The following TMEM132C variants were observed in gnomAD, a reference collection of about 807,000 sequenced individuals.
TMEM132C encodes protein phosphatase 1, regulatory subunit 152.
In TMEM132C, 29 loss-of-function variants were observed where a neutral mutation model predicts 61.4. That is an observed-to-expected ratio of 0.47 (90% CI 0.35 to 0.64). The LOEUF is 0.64. TMEM132C is among the 30% of genes least tolerant of loss of function. The pLI is 0.00. For synonymous variants in TMEM132C, 656 were observed against 633.1 expected (o/e 1.04, Z -0.54); for missense variants, 1,408 against 1,476.9 (o/e 0.95, Z 0.76).
At chr12:128,574,841 C>T (rs1875031227) in intron 3 of TMEM132C, among the ~76,000 whole-genome samples, 1 of 152,188 alleles carries the variant, frequency 6.6e-6, no homozygotes, top group African/African-American at 2.4e-5. Context: ...CTCCAGTTGT[C>T]CTTGCCACTC....
At chr12:128,306,063 C>A (rs1282350539) in intron 1 of TMEM132C, among the ~76,000 whole-genome samples, 1 of 152,092 alleles carries the variant, frequency 6.6e-6, no homozygotes, top group Admixed American at 6.5e-5. Flanking sequence ...GAGTTTGACA[C>A]CAATGACACT....
At position 128,686,095 on chromosome 12, in the gene TMEM132C, C is replaced by T. The variant is rs147893813; in HGVS notation, c.1450-7734C>T. Among the ~76,000 whole-genome samples, 313 of 146,004 alleles carry T rather than the reference C, an allele frequency of 2.1e-3. 3 individuals carry two copies. The South Asian group carries it at 0.04, about 18-fold the overall frequency. On this transcript the variant is annotated intron_variant, in intron 5 of 8. Transcript: ENST00000435159. Reference sequence around the variant, plus strand: ...CGTGTGTGCGCATGTGTGTTGTGTGCGCATGTGTGTGCATGTGTGTGTGCA... The same window carrying T: ...CGTGTGTGCGCATGTGTGTTGTGTGTGCATGTGTGTGCATGTGTGTGTGCA...
At chr12:128,395,469 A>T (rs1683714) in intron 1 of TMEM132C, among the ~76,000 whole-genome samples, 57,192 of 152,058 alleles carry the variant, frequency 0.38, 12,049 homozygotes, top group African/African-American at 0.57. Flanking sequence ...ATGATGGGGT[A>T]ACGTGCTGAT....
chr12:128,530,574 G>A (rs1873256519), intron 2 of TMEM132C, among the ~76,000 whole-genome samples: 1 of 152,056 alleles, frequency 6.6e-6, no homozygotes, highest in Non-Finnish European at 1.5e-5. Flanking sequence ...CTCCCGAGTA[G>A]CTGGGATTAC....
chr12:128,523,503 A>G (rs1475558471), intron 2 of TMEM132C, among the ~76,000 whole-genome samples: 4 of 152,152 alleles, frequency 2.6e-5, no homozygotes, highest in East Asian at 1.9e-4. Flanking sequence ...ACAGAACTAG[A>G]TTCAAGCAGA....
intron 3 of TMEM132C, among the ~76,000 whole-genome samples, chr12:128,544,698 A>G (rs890815849): frequency 4.6e-5 from 7 of 152,228 alleles, no homozygotes; most frequent in Non-Finnish European, 8.8e-5. Context: ...CACTGATAGC[A>G]TGTTGGTTCA....
intron 2 of TMEM132C, among the ~76,000 whole-genome samples, chr12:128,462,309 G>A (rs565202225): frequency 7.9e-5 from 12 of 152,166 alleles, no homozygotes; most frequent in Non-Finnish European, 1.5e-4. Context: ...ATTTCTCCAC[G>A]TTGGTCAAGC....
At chr12:128,548,175 G>A (rs1195561836) in intron 3 of TMEM132C, among the ~76,000 whole-genome samples, 1 of 152,176 alleles carries the variant, frequency 6.6e-6, no homozygotes, top group Non-Finnish European at 1.5e-5. Context: ...GACCATGAAT[G>A]GGCACCAAGG....
chr12:128,412,103 T>C (rs764195773), intron 1 of TMEM132C, among the ~76,000 whole-genome samples: 1 of 152,244 alleles, frequency 6.6e-6, no homozygotes, highest in Non-Finnish European at 1.5e-5. Flanking sequence ...TGTCCAAAAT[T>C]ACTTGGATTA....
At chr12:128,540,993 C>CTCTCTG (rs1555230902) in intron 2 of TMEM132C, among the ~76,000 whole-genome samples, 8,097 of 150,684 alleles carry the variant, frequency 0.054, 298 homozygotes, top group Non-Finnish European at 0.084. Flanking sequence ...GTCTGTATGT[C>CTCTCTG]TCTGTCTGTC....
intron 5 of TMEM132C, among the ~76,000 whole-genome samples, chr12:128,689,364 T>C (rs1035838252): frequency 2.0e-5 from 3 of 152,212 alleles, no homozygotes; most frequent in Admixed American, 2.0e-4. Flanking sequence ...ATTTATCATA[T>C]CGTGCAATAA....
intron 5 of TMEM132C, among the ~76,000 whole-genome samples, chr12:128,670,306 C>G (rs752423902): frequency 5.3e-5 from 8 of 152,128 alleles, no homozygotes; most frequent in Non-Finnish European, 1.0e-4. Flanking sequence ...GAGACTCCAT[C>G]TCAAATAATA....
At chr12:128,382,699 G>A (rs977769776) in intron 1 of TMEM132C, among the ~76,000 whole-genome samples, 5 of 152,030 alleles carry the variant, frequency 3.3e-5, no homozygotes, top group Admixed American at 6.6e-5. Context: ...TCAACTCTCC[G>A]TGGTATTCTT....
intron 1 of TMEM132C, among the ~76,000 whole-genome samples, chr12:128,285,386 CAAAAA>C (rs934077723): frequency 6.7e-6 from 1 of 149,252 alleles, no homozygotes; most frequent in Non-Finnish European, 1.5e-5. Flanking sequence ...GGAATGAAAA[CAAAAA>C]AAAAGACATT....
chr12:128,449,136 CAAA>C (rs141298455), intron 2 of TMEM132C, among the ~76,000 whole-genome samples: 5 of 50,722 alleles, frequency 9.9e-5, no homozygotes, highest in African/African-American at 2.5e-4. Context: ...GACTCTGTCT[CAAA>C]AAAAAAAAAA....
intron 3 of TMEM132C, among the ~76,000 whole-genome samples, chr12:128,556,253 C>T (rs751634096): frequency 1.3e-5 from 2 of 152,158 alleles, no homozygotes; most frequent in Non-Finnish European, 2.9e-5. Context: ...GCAAGCCCCA[C>T]AGTTTATCAT....
chr12:128,479,014 T>G (rs143257545), intron 2 of TMEM132C, among the ~76,000 whole-genome samples: 45 of 152,330 alleles, frequency 3.0e-4, no homozygotes, highest in Non-Finnish European at 6.3e-4. Flanking sequence ...TACATACATG[T>G]AGGTGGCCTA....
intron 2 of TMEM132C, among the ~76,000 whole-genome samples, chr12:128,536,374 C>T (rs1230139085): frequency 6.6e-6 from 1 of 152,016 alleles, no homozygotes; most frequent in Non-Finnish European, 1.5e-5. Context: ...GAGAACATCA[C>T]ACACCAGGGC....
chr12:128,619,254 A>G (rs537712186), intron 4 of TMEM132C, among the ~76,000 whole-genome samples: 1 of 152,366 alleles, frequency 6.6e-6, no homozygotes, highest in African/African-American at 2.4e-5. Flanking sequence ...GGGGATTAAC[A>G]GATGGAAAAT....
Sources: allele counts gnomAD v4.1 joint callset (sites outside exome capture counted in the v4.1 genomes callset), GRCh38; gene constraint gnomAD v4.1.1; transcripts MANE v1.5; gene names NCBI Gene and HGNC (gene_info 2026-07-23, HGNC 2026-07-21).